Variants in CCDC146 observed in about 807,000 individuals in gnomAD.
The protein encoded by CCDC146 is coiled-coil domain containing 146, also known as coiled-coil domain-containing protein 146.
In CCDC146, 92 loss-of-function variants were observed where a neutral mutation model predicts 119.3. That is an observed-to-expected ratio of 0.77 (90% CI 0.65 to 0.92). CCDC146 has a LOEUF of 0.92. Among genes scored for constraint, CCDC146 ranks in the 40% least tolerant of loss-of-function variants. The probability of loss-of-function intolerance (pLI) is 0.00; values close to 1 mark genes in which losing one functional copy is unlikely to be tolerated. For missense variants in CCDC146, 1,000 were observed against 1,103.0 expected, an observed-to-expected ratio of 0.91 and a Z score of 1.32; for synonymous variants, 372 against 371.8, an observed-to-expected ratio of 1.00 and a Z score of -0.01.
intron 5 of CCDC146, 135 bp downstream of exon 5, chr7:77,254,698 C>A: frequency 2.0e-6 from 1 of 496,904 alleles, no homozygotes; most frequent in Non-Finnish European, 3.6e-6. Flanking sequence ...GTGAATGATG[C>A]TGAAAAGACT....
At chr7:77,135,317 A>G (rs748005360) in intron 1 of CCDC146, among the ~76,000 whole-genome samples, 6 of 152,074 alleles carry the variant, frequency 3.9e-5, no homozygotes, top group Non-Finnish European at 7.4e-5. Flanking sequence ...GCAAAACCCC[A>G]TCTCTACAAA....
chr7:77,160,644 G>A (rs1308038534), intron 1 of CCDC146, among the ~76,000 whole-genome samples: 16 of 152,178 alleles, frequency 1.1e-4, no homozygotes, highest in Admixed American at 1.0e-3. Context: ...TGCTGAAGTT[G>A]CTTATCAGTT....
chr7:77,159,950 G>A (rs1348219621), intron 1 of CCDC146, among the ~76,000 whole-genome samples: 3 of 152,124 alleles, frequency 2.0e-5, no homozygotes, highest in Non-Finnish European at 4.4e-5. Flanking sequence ...TTTGTATAAG[G>A]TGTAAGGAAG....
chr7:77,163,411 G>A (rs1791291577), intron 1 of CCDC146, among the ~76,000 whole-genome samples: 1 of 151,842 alleles, frequency 6.6e-6, no homozygotes, highest in South Asian at 2.1e-4. Flanking sequence ...ATGCACCACT[G>A]CACTCCAGCC....
intron 2 of CCDC146, among the ~76,000 whole-genome samples, chr7:77,208,505 ATAT>A (rs1792120481): frequency 6.6e-6 from 1 of 152,206 alleles, no homozygotes; most frequent in South Asian, 2.1e-4. Flanking sequence ...TAAAAATATG[ATAT>A]TATAATCTTA....
chr7:77,157,522 G>T (rs1479383169), intron 1 of CCDC146, among the ~76,000 whole-genome samples: 1 of 152,114 alleles, frequency 6.6e-6, no homozygotes, highest in African/African-American at 2.4e-5. Flanking sequence ...TGAAGAAGAG[G>T]AATTACTGAT....
intron 14 of CCDC146, among the ~76,000 whole-genome samples, chr7:77,282,102 A>G (rs1387511637): frequency 2.0e-5 from 3 of 152,230 alleles, no homozygotes; most frequent in Non-Finnish European, 2.9e-5. Context: ...CAACTTGAGA[A>G]GAAACTAATG....
At chr7:77,236,865 A>G in intron 2 of CCDC146, 82 bp from the exon 3 acceptor site, 1 of 1,010,340 alleles carries the variant, frequency 9.9e-7, no homozygotes, top group Non-Finnish European at 1.5e-6. Context: ...GGATTTTATA[A>G]GATAACCATA....
At chr7:77,250,079 G>A (rs3108419) in intron 4 of CCDC146, among the ~76,000 whole-genome samples, 102,843 of 151,686 alleles carry the variant, frequency 0.68, 38,574 homozygotes, top group Non-Finnish European at 0.86. Context: ...TACTTTTTAA[G>A]TAACAAAATA....
chr7:77,212,086 A>G (rs1179919295), intron 2 of CCDC146, among the ~76,000 whole-genome samples: 1 of 152,202 alleles, frequency 6.6e-6, no homozygotes, highest in Non-Finnish European at 1.5e-5. Flanking sequence ...ATGCACTTAG[A>G]CAGAAAATGA....
chr7:77,219,364 T>TA (rs1354535703), intron 2 of CCDC146, among the ~76,000 whole-genome samples: 1 of 152,184 alleles, frequency 6.6e-6, no homozygotes, highest in East Asian at 1.9e-4. Flanking sequence ...ATCTGCTTTT[T>TA]AAAAAACCAA....
Position 77,256,426 on chromosome 7 carries a change from G to T in CCDC146, c.601G>T (p.Glu201Ter). The T allele has an allele frequency of 6.2e-7, 1 of 1,608,400 alleles. No homozygotes were observed. ...QKKLEIKNLR[E>*]DLASKQKQLL... ...GAAATTAGAAATTAAAAATTTACGA[G>T]AAGATTTGGCATCTAAACAAAAGCA... Residue 201 changes from glutamate (E) to a stop codon, truncating the protein, a stop_gained, in exon 6 of 19, where the codon GAA becomes TAA. Transcript: ENST00000285871. LOFTEE classifies it high-confidence loss of function.
At chr7:77,147,482 T>C (rs1360903368) in intron 1 of CCDC146, among the ~76,000 whole-genome samples, 1 of 152,106 alleles carries the variant, frequency 6.6e-6, no homozygotes, top group African/African-American at 2.4e-5. Flanking sequence ...GGGGGAGAGG[T>C]GCTCTGATTT....
chr7:77,249,894 CTCTT>C (rs1485942469), intron 4 of CCDC146, among the ~76,000 whole-genome samples: 6 of 152,136 alleles, frequency 3.9e-5, no homozygotes, highest in African/African-American at 1.4e-4. Flanking sequence ...TTTTTGTTCT[CTCTT>C]TTTATGCCTT....
intron 1 of CCDC146, among the ~76,000 whole-genome samples, chr7:77,160,926 A>C (rs532318698): frequency 6.6e-6 from 1 of 152,304 alleles, no homozygotes; most frequent in South Asian, 2.1e-4. Context: ...CAATGAACTC[A>C]AACAAATTTA....
chr7:77,203,599 C>T (rs1175131366), intron 2 of CCDC146, among the ~76,000 whole-genome samples: 4 of 152,094 alleles, frequency 2.6e-5, no homozygotes, highest in Non-Finnish European at 4.4e-5. Flanking sequence ...GCTGACTTGT[C>T]CTTCACTACT....
intron 9 of CCDC146, 88 bp downstream of exon 9, chr7:77,262,395 T>A: frequency 9.6e-7 from 1 of 1,044,932 alleles, no homozygotes; most frequent in Non-Finnish European, 1.4e-6. Flanking sequence ...TTGCTGCCAG[T>A]AGAGAAGAAG....
chr7:77,213,257 T>C (rs915283182), intron 2 of CCDC146, among the ~76,000 whole-genome samples: 6 of 151,032 alleles, frequency 4.0e-5, no homozygotes, highest in African/African-American at 1.5e-4. Context: ...GCTTGACTAA[T>C]TTTTTTTTAA....
At chr7:77,181,381 T>A (rs1791586315) in intron 2 of CCDC146, among the ~76,000 whole-genome samples, 1 of 151,798 alleles carries the variant, frequency 6.6e-6, no homozygotes, top group Non-Finnish European at 1.5e-5. Context: ...AATAGTTAGT[T>A]GGCATTTGAA....
Sources: gnomAD v4.1 joint callset for allele counts (sites outside exome capture counted in the v4.1 genomes callset) on GRCh38, gnomAD v4.1.1 for gene constraint, MANE v1.5 for transcripts, NCBI Gene and HGNC (gene_info 2026-07-23, HGNC 2026-07-21) for gene names.